Variants in CACNA1S observed in about 807,000 individuals in gnomAD.
CACNA1S encodes the protein voltage-dependent L-type calcium channel subunit alpha-1S.
A neutral mutation model predicts 207.4 loss-of-function variants in CACNA1S; 126 were observed. The ratio of observed to expected loss-of-function variants is 0.61; its 90% CI spans 0.53 to 0.70. The LOEUF (loss-of-function observed/expected upper bound fraction) is 0.70. Among genes scored for constraint, CACNA1S ranks in the 30% least tolerant of loss-of-function variants. The pLI, the probability that CACNA1S is intolerant of heterozygous loss-of-function variation, is 0.00. For synonymous variants in CACNA1S, 960 were observed against 932.7 expected (o/e 1.03, Z -0.53); for missense variants, 2,349 against 2,422.8 (o/e 0.97, Z 0.64).
intron 2 of CACNA1S, among the ~76,000 whole-genome samples, chr1:201,100,741 G>A (rs1662621079): frequency 1.3e-5 from 2 of 152,138 alleles, no homozygotes; most frequent in South Asian, 4.1e-4. Context: ...GACCAGTGCT[G>A]TCTTGGGTAA....
intron 14 of CACNA1S, 95 bp from the exon 15 acceptor site, chr1:201,073,737 C>T (rs1661502062): frequency 2.1e-6 from 2 of 974,562 alleles, no homozygotes; most frequent in African/African-American, 1.6e-5. Context: ...ACACCAAGGG[C>T]TCCAGGGGAT....
intron 2 of CACNA1S, among the ~76,000 whole-genome samples, chr1:201,100,829 A>G (rs1662625989): frequency 6.6e-6 from 1 of 150,948 alleles, no homozygotes; most frequent in Non-Finnish European, 1.5e-5. Context: ...CATACATTTA[A>G]TCCTCACTGA....
At position 201,054,450 on chromosome 1, in the gene CACNA1S, T is replaced by C. The variant is rs988515145; in HGVS notation, c.3666+55A>G. On this transcript the variant is annotated intron_variant, in intron 29 of 43. Transcript: ENST00000362061. The stretch of plus-strand genomic sequence containing the variant: ...ACGCAGCCAGGCCCATGCATGCAAG[T>C]GGCAGGGCAGGAGCTGGTGAGCGTG... 5 of 1,551,368 alleles carry C rather than the reference T, an allele frequency of 3.2e-6. No individual in the cohort carries two copies. In the African/African-American group the frequency reaches 5.4e-5, roughly 17 times the overall value.
At chr1:201,054,588 G>C (rs1277902997) in intron 28 of CACNA1S, 27 bp from the exon 29 acceptor site, 1 of 1,594,766 alleles carries the variant, frequency 6.3e-7, no homozygotes, top group Admixed American at 1.7e-5. Flanking sequence ...CGAAGGGAGG[G>C]GAAGGAGAGG....
intron 38 of CACNA1S, among the ~76,000 whole-genome samples, chr1:201,045,900 G>A (rs1436582006): frequency 6.6e-6 from 1 of 152,066 alleles, no homozygotes; most frequent in Non-Finnish European, 1.5e-5. Context: ...TTGGATGATG[G>A]AACATCATTT....
At position 201,063,817 on chromosome 1, in the gene CACNA1S, C is replaced by T. The variant is rs570851832; in HGVS notation, c.2854-1303G>A. Among the ~76,000 whole-genome samples, 3 of 152,282 alleles carry T rather than the reference C, an allele frequency of 2.0e-5. No individual in the cohort carries two copies. The East Asian group carries it at 5.8e-4, about 29-fold the overall frequency. On this transcript the variant is annotated intron_variant, in intron 22 of 43. Transcript: ENST00000362061. ...GAAGGTGAAGGTGAGGCGGGTGGTA[C>T]TGGGGGTAAGCAGAGAGTGGATAGA...
At chr1:201,108,460 T>C (rs1048331933) in intron 2 of CACNA1S, among the ~76,000 whole-genome samples, 2 of 152,254 alleles carry the variant, frequency 1.3e-5, no homozygotes, top group Admixed American at 6.5e-5. Context: ...AAGTAGTCAA[T>C]GTCACAGGGA....
In CACNA1S at chr1:201,084,989, A is replaced by G. The variant is rs879255337; in HGVS notation, c.1193T>C (p.Leu398Pro). ...TTTGTTCAAGCCTGCAATTTCATAC[A>G]GGCTCTCTGTGTCAGAGCCACCTTC... ...LDEGGSDTES[L>P]YEIAGLNKII... is the part of the protein sequence containing the mutation. The change falls in exon 9 of 44, where the codon CTG (leucine) becomes CCG (proline). Residue 398 changes from leucine to proline, a missense_variant. By Grantham distance (98) the Leu-to-Pro change is moderately conservative. Transcript: ENST00000362061. 6.2e-7 allele frequency: 1 copy of G among 1,612,736 alleles called. No homozygotes were observed. The highest frequency in any genetic ancestry group is 1.3e-5 in the African/African-American group (1 of 74,920).
intron 3 of CACNA1S, 39 bp downstream of exon 3, chr1:201,093,843 G>C (rs760271095): frequency 1.9e-6 from 3 of 1,612,018 alleles, no homozygotes; most frequent in African/African-American, 2.7e-5. Context: ...AGTCCTCAGC[G>C]AGGGTCTGAC....
intron 7 of CACNA1S, 44 bp from the exon 8 acceptor site, chr1:201,085,625 C>T (rs760872263): frequency 1.2e-6 from 2 of 1,610,308 alleles, no homozygotes; most frequent in South Asian, 2.2e-5. Context: ...GAAGAGGGAA[C>T]AGTGTCAAGG....
chr1:201,104,386 G>A (rs2102182468), intron 2 of CACNA1S, among the ~76,000 whole-genome samples: 1 of 152,350 alleles, frequency 6.6e-6, no homozygotes, highest in East Asian at 1.9e-4. Context: ...ACTGACCTAG[G>A]AGGGAATGTA....
At chr1:201,102,844 A>G (rs1373957330) in intron 2 of CACNA1S, among the ~76,000 whole-genome samples, 4 of 152,190 alleles carry the variant, frequency 2.6e-5, no homozygotes, top group Non-Finnish European at 5.9e-5. Flanking sequence ...TACATTTGTC[A>G]GATCCCGCCC....
chr1:201,043,998 G>A (rs542280255), intron 39 of CACNA1S, among the ~76,000 whole-genome samples: 8 of 152,316 alleles, frequency 5.3e-5, no homozygotes, highest in African/African-American at 1.9e-4. Context: ...TAAGGATGGA[G>A]GACTGGCCTC....
intron 2 of CACNA1S, 25 bp from the exon 3 acceptor site, chr1:201,094,046 C>G: frequency 6.2e-7 from 1 of 1,614,006 alleles, no homozygotes; most frequent in South Asian, 1.1e-5. Context: ...GTGGTCACAG[C>G]ATGCCTCTGT....
rs1449933404 is a variant in CACNA1S at position 201,077,227 on chromosome 1, C to CA, written c.1620-101dup. On this transcript the variant is annotated intron_variant, in intron 11 of 43. Transcript: ENST00000362061. ...GGGGAAAGACTCAGGACTGATGTGA[C>CA]ACAGAGGGAGGGGGCTGCCTCACTG... 3 of 1,008,870 alleles carry CA rather than the reference C, an allele frequency of 3.0e-6. No individual in the cohort carries two copies. The African/African-American group carries it at 4.8e-5, about 16-fold the overall frequency. 62.5% of individuals were successfully genotyped at this position (1,008,870 alleles called of 1,614,324 possible). A position where few individuals can be genotyped will look rare whatever the true frequency, so the allele number is the denominator to read the frequency against.
chr1:201,099,365 C>T (rs545533056), intron 2 of CACNA1S, among the ~76,000 whole-genome samples: 1 of 152,294 alleles, frequency 6.6e-6, no homozygotes, highest in African/African-American at 2.4e-5. Context: ...CCTTACTGGG[C>T]TGGCCTGGGA....
intron 23 of CACNA1S, 130 bp from the exon 24 acceptor site, chr1:201,062,220 C>G (rs932475888): frequency 8.2e-7 from 1 of 1,217,438 alleles, no homozygotes; most frequent in African/African-American, 1.5e-5. Context: ...AAGGGGACAC[C>G]GCTGGGCGAG....
chr1:201,080,757 T>C (rs1661815140), intron 10 of CACNA1S, among the ~76,000 whole-genome samples: 1 of 152,082 alleles, frequency 6.6e-6, no homozygotes, highest in Non-Finnish European at 1.5e-5. Flanking sequence ...TGTTTGTTTG[T>C]TTGTTTTTTT....
intron 41 of CACNA1S, 91 bp downstream of exon 41, chr1:201,041,413 G>T: frequency 1.0e-6 from 1 of 996,174 alleles, no homozygotes; most frequent in Non-Finnish European, 1.6e-6. Flanking sequence ...AGCCCTCCCA[G>T]CCAAGTTCCC....
Sources: gnomAD v4.1 joint callset for allele counts (sites outside exome capture counted in the v4.1 genomes callset) on GRCh38, gnomAD v4.1.1 for gene constraint, MANE v1.5 for transcripts, NCBI Gene and HGNC (gene_info 2026-07-23, HGNC 2026-07-21) for gene names.